Variants in KCNC2 observed in about 807,000 individuals in gnomAD.
KCNC2 encodes the protein potassium voltage-gated channel subfamily C member 2.
In KCNC2, 21 loss-of-function variants were observed where a neutral mutation model predicts 44.5. The observed-to-expected ratio is 0.47, with a 90% CI of 0.33 to 0.68. KCNC2 has a LOEUF of 0.68. Among genes scored for constraint, KCNC2 ranks in the 30% least tolerant of loss-of-function variants. The pLI, the probability that KCNC2 is intolerant of heterozygous loss-of-function variation, is 0.01. For missense variants in KCNC2, 589 were observed against 826.2 expected, an observed-to-expected ratio of 0.71 and a Z score of 3.52; for synonymous variants, 391 against 339.1, an observed-to-expected ratio of 1.15 and a Z score of -1.68.
At chr12:75,180,458 G>A (rs1453877939) in intron 2 of KCNC2, among the ~76,000 whole-genome samples, 1 of 151,716 alleles carries the variant, frequency 6.6e-6, no homozygotes, top group Non-Finnish European at 1.5e-5. Context: ...AACACTTTTA[G>A]TTCCAATCAA....
intron 3 of KCNC2, among the ~76,000 whole-genome samples, chr12:75,049,068 C>T (rs1432527712): frequency 6.6e-6 from 1 of 152,128 alleles, no homozygotes; most frequent in Non-Finnish European, 1.5e-5. Context: ...ATGAGAGCAG[C>T]AACACCAACT....
intron 2 of KCNC2, among the ~76,000 whole-genome samples, chr12:75,170,726 A>G (rs1891757257): frequency 6.9e-6 from 1 of 144,870 alleles, no homozygotes; most frequent in South Asian, 2.2e-4. Context: ...GAGAGTTCTC[A>G]GCCAAGAGAT....
chr12:75,151,621 A>G (rs1890398175), intron 2 of KCNC2, among the ~76,000 whole-genome samples: 1 of 151,878 alleles, frequency 6.6e-6, no homozygotes, highest in South Asian at 2.1e-4. Context: ...TGTGAGAGAG[A>G]GAAGATAGAT....
chr12:75,057,322 A>T (rs1881855050), intron 2 of KCNC2, among the ~76,000 whole-genome samples: 1 of 151,976 alleles, frequency 6.6e-6, no homozygotes, highest in South Asian at 2.1e-4. Flanking sequence ...TTTGGTCTCT[A>T]TAGAGAGAAA....
chr12:75,046,647 A>T (rs1880554139), intron 4 of KCNC2, among the ~76,000 whole-genome samples: 1 of 151,872 alleles, frequency 6.6e-6, no homozygotes, highest in South Asian at 2.1e-4. Context: ...TTTTGCTCAA[A>T]TACTATGATA....
intron 2 of KCNC2, among the ~76,000 whole-genome samples, chr12:75,102,624 T>C (rs556151642): frequency 3.9e-5 from 6 of 152,238 alleles, no homozygotes; most frequent in Admixed American, 2.6e-4. Context: ...CATTTATCTA[T>C]GTAAACACAC....
At chr12:75,095,848 C>G (rs1885875771) in intron 2 of KCNC2, among the ~76,000 whole-genome samples, 1 of 151,854 alleles carries the variant, frequency 6.6e-6, no homozygotes, top group South Asian at 2.1e-4. Flanking sequence ...CTGATCTTGA[C>G]TTTCATACCA....
chr12:75,099,489 A>G (rs891763207), intron 2 of KCNC2, among the ~76,000 whole-genome samples: 1 of 152,152 alleles, frequency 6.6e-6, no homozygotes, highest in South Asian at 2.1e-4. Flanking sequence ...AATGGTAGAC[A>G]TGTCTTTGCT....
chr12:75,203,395 T>C (rs1159258279), intron 2 of KCNC2, among the ~76,000 whole-genome samples: 1 of 151,830 alleles, frequency 6.6e-6, no homozygotes, highest in Non-Finnish European at 1.5e-5. Context: ...TAATCTATAA[T>C]GCTAATAATA....
At chr12:75,097,977 C>T (rs1886074582) in intron 2 of KCNC2, among the ~76,000 whole-genome samples, 1 of 151,992 alleles carries the variant, frequency 6.6e-6, no homozygotes, top group African/African-American at 2.4e-5. Context: ...AGTACAAATT[C>T]ACTCCCTTCT....
At chr12:75,080,834 A>G (rs920548345) in intron 2 of KCNC2, among the ~76,000 whole-genome samples, 17 of 152,130 alleles carry the variant, frequency 1.1e-4, no homozygotes, top group African/African-American at 4.1e-4. Context: ...CCTATACTAG[A>G]TTTAATTGTT....
At chr12:75,200,230 A>T (rs552645862) in intron 2 of KCNC2, among the ~76,000 whole-genome samples, 1 of 151,986 alleles carries the variant, frequency 6.6e-6, no homozygotes, top group South Asian at 2.1e-4. Context: ...TCAAAATTGA[A>T]CAGAATGAAC....
chr12:75,074,752 G>A (rs746597308), intron 2 of KCNC2, among the ~76,000 whole-genome samples: 6 of 152,162 alleles, frequency 3.9e-5, no homozygotes, highest in African/African-American at 1.4e-4. Flanking sequence ...ATGATACTGA[G>A]ATGGCAAAGA....
At chr12:75,100,305 G>T (rs966015753) in intron 2 of KCNC2, among the ~76,000 whole-genome samples, 6 of 151,728 alleles carry the variant, frequency 4.0e-5, no homozygotes, top group African/African-American at 1.5e-4. Context: ...TCTAACCTTG[G>T]GTCTGGCCAC....
intron 2 of KCNC2, among the ~76,000 whole-genome samples, chr12:75,080,008 G>T (rs989542834): frequency 6.6e-6 from 1 of 152,164 alleles, no homozygotes; most frequent in Admixed American, 6.6e-5. Context: ...TGAGGGGGAA[G>T]AAGACTTGCT....
intron 2 of KCNC2, among the ~76,000 whole-genome samples, chr12:75,185,133 A>G (rs932243530): frequency 1.1e-4 from 16 of 152,244 alleles, no homozygotes; most frequent in African/African-American, 3.6e-4. Context: ...GAGTTTAAAA[A>G]GAACTTAACT....
chr12:75,204,481 A>T (rs1443560227), intron 2 of KCNC2, among the ~76,000 whole-genome samples: 1 of 152,052 alleles, frequency 6.6e-6, no homozygotes, highest in African/African-American at 2.4e-5. Flanking sequence ...AACAGGTATA[A>T]TGAGTTGAAA....
chr12:75,112,263 A>C (rs1887315267), intron 2 of KCNC2, among the ~76,000 whole-genome samples: 1 of 151,788 alleles, frequency 6.6e-6, no homozygotes, highest in Non-Finnish European at 1.5e-5. Context: ...CAACTATTAA[A>C]TATAAAGAAA....
chr12:75,208,471 C>T (rs2031891886), intron 1 of KCNC2, among the ~76,000 whole-genome samples: 1 of 151,626 alleles, frequency 6.6e-6, no homozygotes, highest in African/African-American at 2.4e-5. Context: ...CTCATTCCCA[C>T]TCTCCAAGAC....
Sources: gnomAD v4.1 joint callset for allele counts (sites outside exome capture counted in the v4.1 genomes callset) on GRCh38, gnomAD v4.1.1 for gene constraint, MANE v1.5 for transcripts, NCBI Gene and HGNC (gene_info 2026-07-23, HGNC 2026-07-21) for gene names.